Variants in KLF12 observed in about 807,000 individuals in gnomAD.
KLF12 encodes the protein KLF transcription factor 12, also known as Krueppel-like factor 12.
Under a neutral mutation model 37.8 loss-of-function variants are expected in KLF12, and 9 were observed. That is an observed-to-expected ratio of 0.24 (90% confidence interval 0.14 to 0.42). The LOEUF is 0.42. Among genes scored for constraint, KLF12 ranks in the 10% least tolerant of loss-of-function variants. The probability of loss-of-function intolerance (pLI) is 1.00; values close to 1 mark genes in which losing one functional copy is unlikely to be tolerated. For synonymous variants in KLF12, 208 were observed against 202.1 expected, an observed-to-expected ratio of 1.03 and a Z score of -0.25; for missense variants, 411 against 516.0, an observed-to-expected ratio of 0.80 and a Z score of 1.97.
At chr13:74,185,978 G>A in the KLF12 span, among the ~76,000 whole-genome samples, 1 of 152,138 alleles carries the variant, frequency 6.6e-6, no homozygotes, top group African/African-American at 2.4e-5. Flanking sequence ...TCACTTGGAA[G>A]TCTTTAATCA....
chr13:74,056,717 A>G (rs999937371), intron 1 of KLF12, among the ~76,000 whole-genome samples: 1 of 152,334 alleles, frequency 6.6e-6, no homozygotes, highest in Middle Eastern at 3.4e-3. Context: ...TCTAAAATCT[A>G]CTAGACCAAA....
rs537464774 is a variant in KLF12 at position 73,785,609 on chromosome 13, A to ATTT, written c.807-20612_807-20610dup. Among the ~76,000 whole-genome samples the ATTT allele has an allele frequency of 4.9e-4, 71 of 143,776 alleles. 1 individual carries two copies. The highest frequency in any genetic ancestry group is 1.8e-3 in the African/African-American group (71 of 39,438). 94.3% of individuals were successfully genotyped at this position (143,776 alleles called of 152,430 possible). A position where few individuals can be genotyped will look rare whatever the true frequency, so the allele number is the denominator to read the frequency against. ...AAACTTATATACCAAATCTCTGCCC[A>ATTT]TTTTTTTTTTTTTAGTAAAGTAAGT... On this transcript the variant is annotated intron_variant, in intron 5 of 7. Transcript: ENST00000377669.
chr13:74,090,142 T>G (rs1211449754), intron 1 of KLF12, among the ~76,000 whole-genome samples: 2 of 152,080 alleles, frequency 1.3e-5, no homozygotes, highest in African/African-American at 2.4e-5. Context: ...TTTTATATAC[T>G]TGTATTGAAC....
intron 1 of KLF12, among the ~76,000 whole-genome samples, chr13:74,094,370 A>G (rs368129886): frequency 6.6e-6 from 1 of 151,386 alleles, no homozygotes; most frequent in African/African-American, 2.5e-5. Context: ...GGAAGAAATG[A>G]TCCATGGTAT....
At chr13:74,246,513 G>T in the KLF12 span, among the ~76,000 whole-genome samples, 290 of 152,332 alleles carry the variant, frequency 1.9e-3, no homozygotes, top group African/African-American at 6.6e-3. Context: ...AAATACAGGG[G>T]AACCACTCTG....
the KLF12 span, among the ~76,000 whole-genome samples, chr13:74,277,662 A>G: frequency 6.6e-6 from 1 of 152,174 alleles, no homozygotes; most frequent in East Asian, 1.9e-4. Context: ...AATGAATTCT[A>G]TAGGGCTATT....
At chr13:74,283,974 C>T in the KLF12 span, among the ~76,000 whole-genome samples, 2 of 151,844 alleles carry the variant, frequency 1.3e-5, no homozygotes, top group Admixed American at 1.3e-4. Context: ...ATTCTCCTAC[C>T]TCAGCCTCCC....
the KLF12 span, among the ~76,000 whole-genome samples, chr13:74,289,831 A>G: frequency 6.6e-6 from 1 of 152,228 alleles, no homozygotes; most frequent in Admixed American, 6.5e-5. Flanking sequence ...GTGAAGTCCC[A>G]GAAACTAAAC....
the KLF12 span, among the ~76,000 whole-genome samples, chr13:74,220,240 C>A: frequency 6.6e-6 from 1 of 152,162 alleles, no homozygotes; most frequent in Non-Finnish European, 1.5e-5. Context: ...AGAATAATGG[C>A]TTTAAATGCT....
At chr13:74,051,441 T>C (rs893596983) in intron 1 of KLF12, among the ~76,000 whole-genome samples, 1 of 150,896 alleles carries the variant, frequency 6.6e-6, no homozygotes, top group Non-Finnish European at 1.5e-5. Context: ...TCAGGCAAAC[T>C]GGAAAGTATG....
intron 1 of KLF12, among the ~76,000 whole-genome samples, chr13:74,033,866 T>C (rs186415839): frequency 1.3e-5 from 2 of 152,226 alleles, no homozygotes; most frequent in Non-Finnish European, 2.9e-5. Flanking sequence ...AAAGTATACA[T>C]TCACACGTTT....
At chr13:73,814,490 AT>A (rs1484581142) in intron 4 of KLF12, among the ~76,000 whole-genome samples, 1 of 152,184 alleles carries the variant, frequency 6.6e-6, no homozygotes, top group East Asian at 1.9e-4. Context: ...CGGTTTCAAC[AT>A]ATTTCATCAC....
the KLF12 span, among the ~76,000 whole-genome samples, chr13:74,292,326 A>C: frequency 6.6e-6 from 1 of 152,178 alleles, no homozygotes; most frequent in African/African-American, 2.4e-5. Context: ...TCTAAACTTC[A>C]GTTCTCTTGA....
At position 73,741,178 on chromosome 13, in the gene KLF12, T is replaced by G. The variant is rs763192282; in HGVS notation, c.869+23760A>C. 1.5e-4 allele frequency among the ~76,000 whole-genome samples: 23 copies of G among 152,198 alleles called. 1 individual carries two copies. The highest frequency in any genetic ancestry group is 3.2e-3 in the Middle Eastern group (1 of 316). On this transcript the variant is annotated intron_variant, in intron 6 of 7. Coordinates refer to ENST00000377669, the MANE Select transcript of KLF12 (RefSeq NM_007249.5). The stretch of plus-strand genomic sequence containing the variant: ...TGTTCCCATGGAACAGAAGGAAATT[T>G]GACTGCATCTTATAGGAGAGAAAAC...
the KLF12 span, among the ~76,000 whole-genome samples, chr13:74,198,576 C>T: frequency 6.6e-6 from 1 of 152,090 alleles, no homozygotes; most frequent in Non-Finnish European, 1.5e-5. Context: ...TAGTCTTATG[C>T]CTGTTGAATC....
intron 3 of KLF12, among the ~76,000 whole-genome samples, chr13:73,880,357 G>A (rs1886916871): frequency 6.6e-6 from 1 of 152,206 alleles, no homozygotes; most frequent in Non-Finnish European, 1.5e-5. Context: ...AGTTAAATGA[G>A]TTAGAAGGGA....
chr13:74,111,737 A>C (rs957171291), intron 1 of KLF12, among the ~76,000 whole-genome samples: 18 of 152,220 alleles, frequency 1.2e-4, no homozygotes, highest in Admixed American at 1.1e-3. Flanking sequence ...AGGTCTTTTA[A>C]AAGTACTATG....
chr13:74,269,521 G>A, the KLF12 span, among the ~76,000 whole-genome samples: 1 of 152,084 alleles, frequency 6.6e-6, no homozygotes, highest in Non-Finnish European at 1.5e-5. Context: ...TATATAATGG[G>A]ACTCTGGATG....
chr13:74,075,154 A>G (rs973000321), intron 1 of KLF12, among the ~76,000 whole-genome samples: 1 of 152,222 alleles, frequency 6.6e-6, no homozygotes, highest in Non-Finnish European at 1.5e-5. Flanking sequence ...AGGAACGTCT[A>G]CAGAGCAGGA....
Sources: allele counts gnomAD v4.1 joint callset (sites outside exome capture counted in the v4.1 genomes callset), GRCh38; gene constraint gnomAD v4.1.1; transcripts MANE v1.5; gene names NCBI Gene and HGNC (gene_info 2026-07-23, HGNC 2026-07-21).